NFASC: variants seen among roughly 807,000 people sequenced by gnomAD.
NFASC encodes neurofascin, also known as neurofascin homolog.
Under a neutral mutation model 147.5 loss-of-function variants are expected in NFASC, and 43 were observed. The observed-to-expected ratio is 0.29, with a 90% CI of 0.23 to 0.38. The LOEUF is 0.38. Ranked by LOEUF, NFASC falls within the 10% of genes least tolerant of loss-of-function variation. The pLI, the probability that NFASC is intolerant of heterozygous loss-of-function variation, is 1.00. For missense variants in NFASC, 1,320 were observed against 1,689.0 expected (o/e 0.78, Z 3.83); for synonymous variants, 622 against 665.5 (o/e 0.93, Z 1.01).
At chr1:205,011,214 C>CG (rs72501031) in intron 28 of NFASC, among the ~76,000 whole-genome samples, 5 of 151,610 alleles carry the variant, frequency 3.3e-5, no homozygotes, top group African/African-American at 9.7e-5. Context: ...AGGACCCCCC[C>CG]CAAAACTCAA....
rs911902325 is a variant in NFASC, at chr1:205,012,673, G to T, written c.3422-124G>T. On this transcript the variant is annotated intron_variant, in intron 28 of 29. Transcript: ENST00000339876. ...ACAAGGGAGGCGTGGATGGTGCCTT[G>T]TTAAAAAAGAGTGTCAGTGAGCCCA... is the stretch of plus-strand genomic sequence containing the variant. 2.1e-4 allele frequency: 159 copies of T among 770,922 alleles called. 1 individual carries two copies. Among genetic ancestry groups the T allele is most frequent in the Middle Eastern group, 6.9e-4 (3 of 4,336 alleles). 47.8% of individuals were successfully genotyped at this position (770,922 alleles called of 1,614,324 possible).
At chr1:204,938,366 G>A (rs2093054973) in intron 2 of NFASC, among the ~76,000 whole-genome samples, 1 of 152,340 alleles carries the variant, frequency 6.6e-6, no homozygotes, top group Admixed American at 6.5e-5. Context: ...GGCAGCAGCT[G>A]ACATTTTTTA....
intron 1 of NFASC, among the ~76,000 whole-genome samples, chr1:204,883,610 G>A (rs2080737017): frequency 6.6e-6 from 1 of 152,228 alleles, no homozygotes; most frequent in Admixed American, 6.5e-5. Context: ...GCAGGCCAGA[G>A]GTCAGCATTT....
intron 1 of NFASC, among the ~76,000 whole-genome samples, chr1:204,918,696 A>C (rs2089833010): frequency 1.4e-5 from 2 of 147,060 alleles, no homozygotes; most frequent in South Asian, 2.1e-4. Context: ...AGCGATTCTC[A>C]TGCCTCAGCC....
chr1:204,900,008 G>A (rs2084206958), intron 1 of NFASC, among the ~76,000 whole-genome samples: 1 of 152,180 alleles, frequency 6.6e-6, no homozygotes, highest in South Asian at 2.1e-4. Context: ...CATTATAGTG[G>A]ATGTGTTGAA....
intron 1 of NFASC, among the ~76,000 whole-genome samples, chr1:204,901,160 C>T (rs2084489674): frequency 6.6e-6 from 1 of 152,018 alleles, no homozygotes; most frequent in Non-Finnish European, 1.5e-5. Flanking sequence ...TCCGAGATGC[C>T]TGTTAGAAAT....
In NFASC at chr1:205,016,004, C is replaced by G; in HGVS notation, c.3492-304C>G. 6.6e-6 allele frequency among the ~76,000 whole-genome samples: 1 copy of G among 152,164 alleles called. No individual in the cohort carries two copies. The highest frequency in any genetic ancestry group is 2.4e-5 in the African/African-American group (1 of 41,452). ...TGCCTCACCATGGGGTGGCCATCCTCTGTCCACTTCCACCACACACAGGGA... is the reference window on the plus strand; with the variant it reads ...TGCCTCACCATGGGGTGGCCATCCTGTGTCCACTTCCACCACACACAGGGA... On this transcript the variant is annotated intron_variant, in intron 29 of 29. Coordinates refer to ENST00000339876, the MANE Select transcript of NFASC (RefSeq NM_001005388.3). The surrounding 1 kb of genome is among the most constrained non-coding windows in gnomAD (Gnocchi z 5.1).
At chr1:204,857,798 G>C (rs1294497246) in intron 1 of NFASC, among the ~76,000 whole-genome samples, 3 of 152,076 alleles carry the variant, frequency 2.0e-5, no homozygotes, top group African/African-American at 7.2e-5. Flanking sequence ...AGATCAAATT[G>C]TTGACAGGGT....
At chr1:204,924,842 A>G (rs1016375144) in intron 2 of NFASC, among the ~76,000 whole-genome samples, 2 of 152,076 alleles carry the variant, frequency 1.3e-5, no homozygotes, top group Non-Finnish European at 2.9e-5. Context: ...AACTTGGGGG[A>G]GAGGAGAAAG....
intron 2 of NFASC, among the ~76,000 whole-genome samples, chr1:204,938,561 A>T (rs2595950): frequency 0.1 from 15,827 of 152,156 alleles, 889 homozygotes; most frequent in Middle Eastern, 0.15. Context: ...CATACTTTTA[A>T]GTGGGAAGTG....
intron 1 of NFASC, among the ~76,000 whole-genome samples, chr1:204,891,183 A>G (rs2082320575): frequency 1.3e-5 from 2 of 152,316 alleles, no homozygotes; most frequent in South Asian, 4.1e-4. Flanking sequence ...TATGTGTTAC[A>G]ACTTTATTAG....
chr1:205,012,851 G>T lies in NFASC; in HGVS notation c.3476G>T (p.Gly1159Val), dbSNP rs748495921. The T allele has an allele frequency of 1.3e-5, 21 of 1,613,052 alleles. No homozygotes were observed. The highest frequency in any genetic ancestry group is 1.8e-5 in the Non-Finnish European group (21 of 1,179,038). ...LGPEDPKEED[G>V]SFDYSDEDNK... ...CCTGAAGACCCCAAGGAAGAGGATG[G>T]CTCATTTGACTATAGGTGCGTGATC... Residue 1159 changes from glycine (G) to valine (V), a missense_variant, in exon 29 of 30, where the codon GGC becomes GTC. Around this residue, in one of 3 missense-constraint regions of NFASC, gnomAD observed 167 missense variants for 233.8 expected, o/e 0.71. Transcript: ENST00000339876.
chr1:204,848,481 T>G lies in NFASC; in HGVS notation c.-200+19699T>G, dbSNP rs535419755. On this transcript the variant is annotated intron_variant, in intron 1 of 29. Coordinates refer to ENST00000339876, the MANE Select transcript of NFASC (RefSeq NM_001005388.3). ...GTTCAAGCGAACCTCCTGCCTTGGCTTCCCAAAGTGTTGTGATTACAGGCA... is the reference window on the plus strand; with the variant it reads ...GTTCAAGCGAACCTCCTGCCTTGGCGTCCCAAAGTGTTGTGATTACAGGCA... Among the ~76,000 whole-genome samples the G allele has an allele frequency of 1.2e-4, 18 of 152,272 alleles. No homozygotes were observed. The East Asian group carries it at 3.3e-3, about 28-fold the overall frequency.
intron 1 of NFASC, among the ~76,000 whole-genome samples, chr1:204,861,902 G>C (rs973090629): frequency 6.6e-6 from 1 of 152,170 alleles, no homozygotes; most frequent in Non-Finnish European, 1.5e-5. Context: ...TTGGTTTCTG[G>C]TTCTTAGCCT....
Position 204,968,053 on chromosome 1 carries a change from C to G in NFASC, c.707-196C>G. On this transcript the variant is annotated intron_variant, in intron 8 of 29. Coordinates refer to ENST00000339876, the MANE Select transcript of NFASC (RefSeq NM_001005388.3). The surrounding 1 kb of genome is among the most constrained non-coding windows in gnomAD (Gnocchi z 5.4). ...CTTTCAGAACCTAGAGCTCCTCTCT[C>G]TCATGTAGGTGGGGCTGAGGAGCCC... The G allele has an allele frequency of 3.6e-6, 2 of 552,348 alleles. No individual in the cohort carries two copies. Among genetic ancestry groups the G allele is most frequent in the Non-Finnish European group, 6.5e-6 (2 of 306,622 alleles). The allele number at this position is 552,348 out of a possible 1,614,324, so 34.2% of individuals were successfully genotyped here.
chr1:204,880,253 G>C (rs990058410), intron 1 of NFASC, among the ~76,000 whole-genome samples: 9 of 152,242 alleles, frequency 5.9e-5, no homozygotes, highest in African/African-American at 1.9e-4. Flanking sequence ...ACACTGAAGT[G>C]AGGCCCAGTA....
At chr1:204,977,510 A>C (rs1231111457) in intron 16 of NFASC, among the ~76,000 whole-genome samples, 171 bp from the exon 17 acceptor site, 16 of 152,200 alleles carry the variant, frequency 1.1e-4, no homozygotes, top group Non-Finnish European at 4.4e-5. Context: ...GGAAACACAG[A>C]TGGCCTCTAT....
intron 1 of NFASC, among the ~76,000 whole-genome samples, chr1:204,840,887 C>A (rs537116632): frequency 2.0e-5 from 3 of 152,200 alleles, no homozygotes; most frequent in Admixed American, 2.0e-4. Context: ...TTCAACCTTC[C>A]TTTGCTTTCA....
chr1:204,973,592 G>A (rs911013527), intron 12 of NFASC, among the ~76,000 whole-genome samples, 173 bp downstream of exon 12: 7 of 152,236 alleles, frequency 4.6e-5, no homozygotes, highest in African/African-American at 1.7e-4. Context: ...TTGTGAGAGG[G>A]ATGGAAGGGT....
Sources: gnomAD v4.1 joint callset for allele counts (sites outside exome capture counted in the v4.1 genomes callset) on GRCh38, gnomAD v4.1.1 for gene constraint, gnomAD v4.1.1 regional missense constraint, Gnocchi (gnomAD v3.1) non-coding constraint, MANE v1.5 for transcripts, NCBI Gene and HGNC (gene_info 2026-07-23, HGNC 2026-07-21) for gene names.